The following SDCCAG8 variants were observed in gnomAD, a reference collection of about 807,000 sequenced individuals.
SDCCAG8 encodes serologically defined colon cancer antigen 8.
SDCCAG8 carries 74 observed loss-of-function variants against 101.8 expected under a neutral mutation model. That is an observed-to-expected ratio of 0.73 (90% confidence interval 0.60 to 0.88). The LOEUF (loss-of-function observed/expected upper bound fraction) is 0.88. Among genes scored for constraint, SDCCAG8 ranks in the 40% least tolerant of loss-of-function variants. The probability of loss-of-function intolerance (pLI) is 0.00; values close to 1 mark genes in which losing one functional copy is unlikely to be tolerated. For synonymous variants in SDCCAG8, 281 were observed against 292.9 expected (o/e 0.96, Z 0.41); for missense variants, 787 against 822.6 (o/e 0.96, Z 0.53).
In SDCCAG8 at chr1:243,256,127, T is replaced by A. The variant is rs3904682; in HGVS notation, c.-47T>A. Reference sequence around the variant, plus strand: ...CTGTTGTTCTCGGAAGGGAGAAAGCTGGACATTTCCCCACGTAACTCCCAG... The same window carrying A: ...CTGTTGTTCTCGGAAGGGAGAAAGCAGGACATTTCCCCACGTAACTCCCAG... On this transcript the variant is annotated 5_prime_UTR_variant, in exon 1 of 18. Transcript: ENST00000366541. The A allele has an allele frequency of 0.5, 780,104 of 1,563,582 alleles. 204,273 individuals are homozygous for A. Among genetic ancestry groups the A allele is most frequent in the East Asian group, 0.75 (33,491 of 44,612 alleles).
At position 243,344,285 on chromosome 1, in the gene SDCCAG8, G is replaced by A. The variant is rs761873846; in HGVS notation, c.1427G>A (p.Arg476Lys). The change falls in exon 12 of 18, where the codon AGA (arginine) becomes AAA (lysine). Residue 476 changes from arginine to lysine, a missense_variant. Transcript: ENST00000366541. Reference protein sequence around the residue: ...MEKDEAEKEHREFRAKTNRDL... With the variant: ...MEKDEAEKEHKEFRAKTNRDL... ...AAGGATGAGGCAGAAAAGGAGCACA[G>A]AGAGTTCAGAGCAAAAACTAACAGG... 2.5e-6 allele frequency: 4 copies of A among 1,614,036 alleles called. No homozygotes were observed. Among genetic ancestry groups the A allele is most frequent in the Admixed American group, 3.3e-5 (2 of 60,028 alleles).
rs183761222 is a variant in SDCCAG8, at chr1:243,308,536, T to C, written c.929+359T>C. On this transcript the variant is annotated intron_variant, in intron 8 of 17. Transcript: ENST00000366541. ...CTATTCTTAGCAAAACTGAGTGTAA[T>C]AGAAATTCCTTTGGTTTTGCCATAT... 3.3e-5 allele frequency among the ~76,000 whole-genome samples: 5 copies of C among 152,352 alleles called. No individual in the cohort carries two copies. In the East Asian group the frequency reaches 7.7e-4, roughly 23 times the overall value.
intron 12 of SDCCAG8, among the ~76,000 whole-genome samples, chr1:243,348,818 C>CAAAAAA: frequency 7.6e-6 from 1 of 131,258 alleles, no homozygotes; most frequent in South Asian, 2.5e-4. Flanking sequence ...ACTAAAAATA[C>CAAAAAA]AAAAAAAAAA....
At chr1:243,405,225 G>A (rs796780871) in intron 13 of SDCCAG8, among the ~76,000 whole-genome samples, 3 of 152,062 alleles carry the variant, frequency 2.0e-5, no homozygotes, top group African/African-American at 7.2e-5. Flanking sequence ...AAATTAAAAC[G>A]TACTTTTAAG....
intron 8 of SDCCAG8, among the ~76,000 whole-genome samples, chr1:243,308,600 T>C (rs1029503352): frequency 1.3e-5 from 2 of 152,232 alleles, no homozygotes; most frequent in African/African-American, 4.8e-5. Flanking sequence ...GAATGAGTTA[T>C]TACCACATCT....
intron 13 of SDCCAG8, among the ~76,000 whole-genome samples, chr1:243,386,558 C>T (rs1389204083): frequency 1.3e-5 from 2 of 152,166 alleles, no homozygotes; most frequent in South Asian, 2.1e-4. Flanking sequence ...TCAAGACCAT[C>T]CTGGCTAACA....
chr1:243,433,971 T>C (rs2081970939), intron 16 of SDCCAG8, among the ~76,000 whole-genome samples: 1 of 152,216 alleles, frequency 6.6e-6, no homozygotes, highest in Non-Finnish European at 1.5e-5. Flanking sequence ...TAAGCGCTGC[T>C]AGTTTGACTT....
chr1:243,270,119 A>C lies in SDCCAG8; in HGVS notation c.82A>C (p.Ser28Arg). Reference protein sequence around the residue: ...QRSLREHASRSIHQLTCALKE... With the variant: ...QRSLREHASRRIHQLTCALKE... ...TGTTCTTGCAGAACATGCCAGCAGA[A>C]GCATTCACCAACTGACATGTGCCCT... The change falls in exon 2 of 18, where the codon AGC (serine) becomes CGC (arginine). Residue 28 changes from serine (S) to arginine (R), a missense_variant. Physicochemically the swap from Ser to Arg is moderately radical, Grantham distance 110. Transcript: ENST00000366541. The C allele has an allele frequency of 6.2e-7, 1 of 1,614,218 alleles. No homozygotes were observed. The highest frequency in any genetic ancestry group is 2.2e-5 in the East Asian group (1 of 44,878).
chr1:243,402,510 A>G (rs2079475600), intron 13 of SDCCAG8, among the ~76,000 whole-genome samples: 1 of 152,066 alleles, frequency 6.6e-6, no homozygotes. Flanking sequence ...TGTGATTTAT[A>G]TAACACATTA....
At chr1:243,378,083 G>T (rs1344886274) in intron 12 of SDCCAG8, among the ~76,000 whole-genome samples, 1 of 151,524 alleles carries the variant, frequency 6.6e-6, no homozygotes, top group African/African-American at 2.4e-5. Context: ...GTCTTAGAGT[G>T]TTCTTGTTGA....
intron 16 of SDCCAG8, among the ~76,000 whole-genome samples, chr1:243,443,819 C>T (rs1371155742): frequency 2.0e-5 from 3 of 152,112 alleles, no homozygotes; most frequent in Admixed American, 6.5e-5. Flanking sequence ...CTCCTCCCCT[C>T]CTGTCTTCCT....
rs1353556004 is a variant in SDCCAG8 at position 243,458,368 on chromosome 1, T to C, written c.1986-30646T>C. Among the ~76,000 whole-genome samples the C allele has an allele frequency of 6.6e-6, 1 of 151,744 alleles. No homozygotes were observed. Among genetic ancestry groups the C allele is most frequent in the African/African-American group, 2.4e-5 (1 of 41,356 alleles). On this transcript the variant is annotated intron_variant, in intron 16 of 17. Coordinates refer to ENST00000366541, the MANE Select transcript of SDCCAG8 (RefSeq NM_006642.5). This position sits in a 1 kb window ranked among gnomAD's most constrained non-coding sequence, Gnocchi z 4.5. ...AAAAATTTCCTGACACCTCTTGCAATAATAATTGTTATTATATAATATATA... is the reference window on the plus strand; with the variant it reads ...AAAAATTTCCTGACACCTCTTGCAACAATAATTGTTATTATATAATATATA...
intron 6 of SDCCAG8, 79 bp downstream of exon 6, chr1:243,293,298 T>C: frequency 7.0e-7 from 1 of 1,420,120 alleles, no homozygotes; most frequent in Non-Finnish European, 9.7e-7. Context: ...TCTGGTAAAA[T>C]ATATATAACA....
At chr1:243,316,605 G>T (rs1405039875) in intron 8 of SDCCAG8, 150 bp from the exon 9 acceptor site, 1 of 897,958 alleles carries the variant, frequency 1.1e-6, no homozygotes, top group Non-Finnish European at 1.8e-6. Context: ...GAGGACAGAG[G>T]GTCTTTCTCT....
At chr1:243,469,843 T>C (rs1660871047) in intron 16 of SDCCAG8, among the ~76,000 whole-genome samples, 1 of 151,070 alleles carries the variant, frequency 6.6e-6, no homozygotes, top group Non-Finnish European at 1.5e-5. Context: ...TTTTTTTTTT[T>C]TTTTTTTTAG....
At chr1:243,365,888 T>C (rs964597666) in intron 12 of SDCCAG8, among the ~76,000 whole-genome samples, 23 of 152,134 alleles carry the variant, frequency 1.5e-4, no homozygotes, top group Non-Finnish European at 3.1e-4. Flanking sequence ...CTGAAGCATA[T>C]GTAGAAGTAT....
chr1:243,455,927 G>A (rs1414595505), intron 16 of SDCCAG8, among the ~76,000 whole-genome samples: 3 of 152,142 alleles, frequency 2.0e-5, no homozygotes, highest in African/African-American at 2.4e-5. Context: ...ATATTTGGTT[G>A]GGCATCGCTG....
Position 243,256,222 on chromosome 1 carries a change from T to G in SDCCAG8, c.49T>G (p.Tyr17Asp), listed in dbSNP as rs766544254. The change falls in exon 1 of 18, where the codon TAT (tyrosine) becomes GAT (aspartate). Residue 17 changes from tyrosine (Y) to aspartate (D), a missense_variant. By Grantham distance (160) the Tyr-to-Asp change is radical. Transcript: ENST00000366541. ...TACCCTGGAGGAGATTCTGGGGCAG[T>G]ATCAACGGAGTCTCCGGGGTGAGTT... ...NSTLEEILGQ[Y>D]QRSLREHASR... is the part of the protein sequence containing the mutation. The G allele has an allele frequency of 1.2e-6, 2 of 1,614,186 alleles. No homozygotes were observed.
intron 16 of SDCCAG8, among the ~76,000 whole-genome samples, chr1:243,480,897 GTGGGA>G (rs1470837410): frequency 7.5e-5 from 11 of 145,826 alleles, no homozygotes; most frequent in African/African-American, 2.8e-4. Flanking sequence ...GGATGGGTGG[GTGGGA>G]TGGGATGGGA....
Sources: allele counts gnomAD v4.1 joint callset (sites outside exome capture counted in the v4.1 genomes callset), GRCh38; gene constraint gnomAD v4.1.1; non-coding constraint Gnocchi (gnomAD v3.1); transcripts MANE v1.5; gene names NCBI Gene and HGNC (gene_info 2026-07-23, HGNC 2026-07-21).